Variants in AGO4 observed in about 807,000 individuals in gnomAD.
AGO4 encodes protein argonaute-4.
AGO4 carries 33 observed loss-of-function variants against 104.7 expected under a neutral mutation model. The ratio of observed to expected loss-of-function variants is 0.32; its 90% CI spans 0.24 to 0.42. AGO4 has a LOEUF of 0.42. AGO4 is among the 10% of genes least tolerant of loss of function. AGO4 has a pLI of 1.00. For missense variants in AGO4, 711 were observed against 1,083.4 expected, an observed-to-expected ratio of 0.66 and a Z score of 4.83; for synonymous variants, 331 against 364.7, an observed-to-expected ratio of 0.91 and a Z score of 1.05.
rs1315115896 is a variant in AGO4, at chr1:35,856,130, G to A, written c.*2525G>A. On this transcript the variant is annotated 3_prime_UTR_variant, in exon 18 of 18. Coordinates refer to ENST00000373210, the MANE Select transcript of AGO4 (RefSeq NM_017629.4). ...GTGGTGGTGGAAGAAAAGCCGGGAGGCCTATTTTTATAGGAAAATAGTACC... is the reference window on the plus strand; with the variant it reads ...GTGGTGGTGGAAGAAAAGCCGGGAGACCTATTTTTATAGGAAAATAGTACC... 6.6e-6 allele frequency: 1 copy of A among 152,192 alleles called. No individual in the cohort carries two copies. Among genetic ancestry groups the A allele is most frequent in the African/African-American group, 2.4e-5 (1 of 41,436 alleles). 9.4% of individuals were successfully genotyped at this position (152,192 alleles called of 1,614,324 possible).
chr1:35,817,494 T>G (rs1643749556), intron 2 of AGO4, among the ~76,000 whole-genome samples: 1 of 152,158 alleles, frequency 6.6e-6, no homozygotes, highest in Admixed American at 6.6e-5. Flanking sequence ...CTTGGAGTAC[T>G]GAGAAAACTA....
At chr1:35,825,836 T>A in intron 5 of AGO4, 21 bp downstream of exon 5, 1 of 1,588,948 alleles carries the variant, frequency 6.3e-7, no homozygotes, top group Non-Finnish European at 8.6e-7. Context: ...ACTCTCTTTA[T>A]CCAATAACTC....
intron 1 of AGO4, among the ~76,000 whole-genome samples, chr1:35,816,113 A>C (rs1421192894): frequency 1.3e-5 from 2 of 152,232 alleles, no homozygotes; most frequent in Non-Finnish European, 2.9e-5. Context: ...TAAATTGATA[A>C]ATAGAGCTGT....
At chr1:35,818,135 G>T (rs937388034) in intron 2 of AGO4, among the ~76,000 whole-genome samples, 1 of 152,126 alleles carries the variant, frequency 6.6e-6, no homozygotes, top group East Asian at 1.9e-4. Flanking sequence ...TGAGCACTGA[G>T]ATTTATATAT....
chr1:35,829,148 T>C (rs903101534), intron 7 of AGO4, among the ~76,000 whole-genome samples: 2 of 152,146 alleles, frequency 1.3e-5, no homozygotes, highest in African/African-American at 2.4e-5. Context: ...TCTAGATAGT[T>C]GAAATTTTCA....
intron 17 of AGO4, among the ~76,000 whole-genome samples, chr1:35,852,783 G>T (rs770263913): frequency 6.6e-5 from 10 of 152,162 alleles, no homozygotes; most frequent in Non-Finnish European, 1.2e-4. Flanking sequence ...GTTCCAGGTG[G>T]CTCTGACCTG....
chr1:35,829,631 G>A (rs1224665554), intron 7 of AGO4, among the ~76,000 whole-genome samples: 1 of 151,970 alleles, frequency 6.6e-6, no homozygotes, highest in Non-Finnish European at 1.5e-5. Flanking sequence ...GAGGTCAGGA[G>A]TTCAAGACCA....
At position 35,834,020 on chromosome 1, in the gene AGO4, T is replaced by G. The variant is rs1644247124; in HGVS notation, c.1410T>G (p.Ser470=). ...TCACTGACCAGCTGCGTAAAATCTC[T>G]AAGGATGCAGGAATGCCCATCCAGG... The part of the protein sequence containing the change: ...KSFTDQLRKI[S]KDAGMPIQGQ... Residue 470 remains serine (S), a synonymous_variant, in exon 12 of 18, where the codon TCT becomes TCG. Coordinates refer to ENST00000373210, the MANE Select transcript of AGO4 (RefSeq NM_017629.4). 1 of 1,589,214 alleles carries G rather than the reference T, an allele frequency of 6.3e-7. No individual in the cohort carries two copies. Among genetic ancestry groups the G allele is most frequent in the South Asian group, 1.2e-5 (1 of 86,654 alleles).
chr1:35,813,499 G>A (rs554901236), intron 1 of AGO4, among the ~76,000 whole-genome samples: 4 of 152,138 alleles, frequency 2.6e-5, no homozygotes, highest in African/African-American at 9.6e-5. Context: ...GCTCATGACT[G>A]TAATCCCAGC....
chr1:35,845,363 A>G (rs1176936489), intron 15 of AGO4, among the ~76,000 whole-genome samples: 4 of 151,662 alleles, frequency 2.6e-5, no homozygotes, highest in African/African-American at 4.8e-5. Context: ...GCATATCACC[A>G]TGCCCAGCTA....
At chr1:35,840,998 T>C (rs928994616) in intron 13 of AGO4, among the ~76,000 whole-genome samples, 167 bp from the exon 14 acceptor site, 3 of 152,218 alleles carry the variant, frequency 2.0e-5, no homozygotes, top group Non-Finnish European at 2.9e-5. Flanking sequence ...GTCACTGTAC[T>C]GGGTGACATC....
At chr1:35,824,125 C>T (rs955701211) in intron 3 of AGO4, among the ~76,000 whole-genome samples, 1 of 151,954 alleles carries the variant, frequency 6.6e-6, no homozygotes, top group Non-Finnish European at 1.5e-5. Context: ...TAGCACAATA[C>T]TTTTTTAAAC....
rs2148678779 is a variant in AGO4 at position 35,841,809 on chromosome 1, CACAT to C, written c.2175+61_2175+64del. 1.2e-6 allele frequency: 1 copy of C among 857,236 alleles called. No individual in the cohort carries two copies. The highest frequency in any genetic ancestry group is 1.6e-6 in the Non-Finnish European group (1 of 624,262). The allele number at this position is 857,236 out of a possible 1,614,324, so 53.1% of individuals were successfully genotyped here. On this transcript the variant is annotated intron_variant, in intron 15 of 17. Coordinates refer to ENST00000373210, the MANE Select transcript of AGO4 (RefSeq NM_017629.4). The surrounding 1 kb of genome is among the most constrained non-coding windows in gnomAD (Gnocchi z 4.7). ...GGCTCTGGCAAGAGATGTATATATG[CACAT>C]ATATATATATATATATATATATATA...
At chr1:35,815,006 T>C (rs1475061852) in intron 1 of AGO4, among the ~76,000 whole-genome samples, 1 of 152,090 alleles carries the variant, frequency 6.6e-6, no homozygotes, top group Non-Finnish European at 1.5e-5. Flanking sequence ...GCCTCCTGAG[T>C]AGCTGGGATT....
intron 7 of AGO4, among the ~76,000 whole-genome samples, chr1:35,827,093 T>C (rs1282188217): frequency 2.0e-5 from 3 of 151,856 alleles, no homozygotes; most frequent in Admixed American, 2.0e-4. Context: ...CACCAGGTAC[T>C]CGGGAGGCTG....
At chr1:35,840,167 T>G (rs1300013312) in intron 13 of AGO4, among the ~76,000 whole-genome samples, 3 of 151,190 alleles carry the variant, frequency 2.0e-5, no homozygotes, top group African/African-American at 2.4e-5. Flanking sequence ...AATTTTTTTT[T>G]TTGTTTGTTT....
intron 17 of AGO4, among the ~76,000 whole-genome samples, chr1:35,852,872 G>A (rs1402149091): frequency 6.6e-6 from 1 of 152,144 alleles, no homozygotes; most frequent in African/African-American, 2.4e-5. Flanking sequence ...AGACATAGTG[G>A]GCAGTGGAAA....
rs534445540 is a variant in AGO4 at position 35,825,598 on chromosome 1, A to G, written c.489-81A>G. ...CTGCATAAGTCATTGTTCAAATTTG[A>G]TTTCAGCTCCCAGAGTTGAGAGTGA... On this transcript the variant is annotated intron_variant, in intron 4 of 17. Transcript: ENST00000373210. 211 of 1,534,476 alleles carry G rather than the reference A, an allele frequency of 1.4e-4. 2 individuals are homozygous for G. In the South Asian group the frequency reaches 2.7e-3, roughly 19 times the overall value.
intron 12 of AGO4, 31 bp from the exon 13 acceptor site, chr1:35,835,803 A>G (rs1439100143): frequency 6.5e-6 from 10 of 1,548,090 alleles, no homozygotes; most frequent in Non-Finnish European, 6.1e-6. Flanking sequence ...GACCATTTAA[A>G]CATGTTAAAA....
Sources: allele counts gnomAD v4.1 joint callset (sites outside exome capture counted in the v4.1 genomes callset), GRCh38; gene constraint gnomAD v4.1.1; non-coding constraint Gnocchi (gnomAD v3.1); transcripts MANE v1.5; gene names NCBI Gene and HGNC (gene_info 2026-07-23, HGNC 2026-07-21).